The following SNTG1 variants were observed in gnomAD, a reference collection of about 807,000 sequenced individuals.
SNTG1 encodes syntrophin gamma 1, also known as gamma-1-syntrophin.
A neutral mutation model predicts 74.7 loss-of-function variants in SNTG1; 39 were observed. That is an observed-to-expected ratio of 0.52 (90% confidence interval 0.40 to 0.68). The LOEUF is 0.68. Among genes scored for constraint, SNTG1 ranks in the 30% least tolerant of loss-of-function variants. The probability of loss-of-function intolerance (pLI) is 0.00; values close to 1 mark genes in which losing one functional copy is unlikely to be tolerated. For synonymous variants in SNTG1, 254 were observed against 217.1 expected (o/e 1.17, Z -1.49); for missense variants, 685 against 609.5 (o/e 1.12, Z -1.30).
chr8:50,723,996 T>A (rs999106628), intron 17 of SNTG1, among the ~76,000 whole-genome samples: 1 of 152,134 alleles, frequency 6.6e-6, no homozygotes, highest in Non-Finnish European at 1.5e-5. Context: ...TGCTATTTGC[T>A]TTTTTCCAAG....
intron 1 of SNTG1, among the ~76,000 whole-genome samples, chr8:50,123,526 G>A (rs144310762): frequency 3.5e-5 from 5 of 142,480 alleles, no homozygotes; most frequent in African/African-American, 1.0e-4. Context: ...CATTAAGAAA[G>A]CAAGAGTATG....
chr8:50,597,336 T>C (rs1472472544), intron 13 of SNTG1, among the ~76,000 whole-genome samples: 1 of 146,192 alleles, frequency 6.8e-6, no homozygotes. Flanking sequence ...TACACATATA[T>C]ATACATATAT....
At position 50,350,633 on chromosome 8, in the gene SNTG1, A is replaced by G. The variant is rs571011901; in HGVS notation, c.-27-43579A>G. ...ACTCTGTATCTAGCTCAAGGTTTGT[A>G]AACACACCAATCAGCACCCTGTGTC... On this transcript the variant is annotated intron_variant, in intron 2 of 18. Transcript: ENST00000642720. 1.5e-3 allele frequency among the ~76,000 whole-genome samples: 227 copies of G among 152,054 alleles called. 1 individual carries two copies. The highest frequency in any genetic ancestry group is 5.3e-3 in the African/African-American group (220 of 41,418).
At chr8:50,782,360 G>A (rs1470052045) in intron 18 of SNTG1, among the ~76,000 whole-genome samples, 20 of 152,120 alleles carry the variant, frequency 1.3e-4, no homozygotes, top group Admixed American at 1.3e-3. Flanking sequence ...CATAGATTTG[G>A]TCTTTTCACA....
rs533434531 is a variant in SNTG1 at position 50,283,326 on chromosome 8, T to A, written c.-28+110691T>A. ...GTTATCAGAAACATGTAATTGTTAGTCTTTTCCAAGAATTTCCTTAAAGAC... is the reference window on the plus strand; with the variant it reads ...GTTATCAGAAACATGTAATTGTTAGACTTTTCCAAGAATTTCCTTAAAGAC... On this transcript the variant is annotated intron_variant, in intron 2 of 18. Coordinates refer to ENST00000642720, the MANE Select transcript of SNTG1 (RefSeq NM_018967.5). 4.2e-4 allele frequency among the ~76,000 whole-genome samples: 64 copies of A among 152,328 alleles called. 1 individual carries two copies. The highest frequency in any genetic ancestry group is 9.2e-4 in the Admixed American group (14 of 15,286).
At chr8:50,744,399 C>A (rs1203517914) in intron 17 of SNTG1, among the ~76,000 whole-genome samples, 1 of 151,786 alleles carries the variant, frequency 6.6e-6, no homozygotes, top group Non-Finnish European at 1.5e-5. Flanking sequence ...GTCTTGTATA[C>A]TAAAATCTAC....
chr8:50,718,549 A>G (rs1383870135), intron 17 of SNTG1, among the ~76,000 whole-genome samples: 1 of 152,168 alleles, frequency 6.6e-6, no homozygotes, highest in Non-Finnish European at 1.5e-5. Context: ...TTCTCTAAGA[A>G]TGAGGAGGTT....
chr8:49,971,590 T>C (rs556983228), intron 1 of SNTG1, among the ~76,000 whole-genome samples: 2 of 152,290 alleles, frequency 1.3e-5, no homozygotes, highest in African/African-American at 2.4e-5. Context: ...TGTTTGCGGA[T>C]GAAATGATTG....
At chr8:50,580,589 G>C (rs2094604178) in intron 12 of SNTG1, among the ~76,000 whole-genome samples, 1 of 152,244 alleles carries the variant, frequency 6.6e-6, no homozygotes, top group South Asian at 2.1e-4. Context: ...TTACCCTCAT[G>C]CTGTTCTCAT....
chr8:50,490,379 G>A (rs11994050), intron 8 of SNTG1, among the ~76,000 whole-genome samples: 11,910 of 152,124 alleles, frequency 0.078, 1,022 homozygotes, highest in African/African-American at 0.22. Flanking sequence ...CCATTTTCAC[G>A]ATATTGATTC....
chr8:50,612,733 T>C (rs1347500810), intron 13 of SNTG1, among the ~76,000 whole-genome samples: 1 of 152,166 alleles, frequency 6.6e-6, no homozygotes, highest in African/African-American at 2.4e-5. Context: ...TCTAACTGAT[T>C]AAATAGAAGT....
chr8:50,786,313 AGTGCAAATATT>A (rs1457146683), intron 18 of SNTG1, among the ~76,000 whole-genome samples: 5 of 152,020 alleles, frequency 3.3e-5, no homozygotes, highest in African/African-American at 1.2e-4. Flanking sequence ...TAACAAAAGA[AGTGCAAATATT>A]GTGTACTGAA....
intron 18 of SNTG1, among the ~76,000 whole-genome samples, chr8:50,774,788 A>C (rs1034193017): frequency 3.3e-5 from 5 of 151,700 alleles, no homozygotes; most frequent in Non-Finnish European, 7.4e-5. Flanking sequence ...AAAGATGTAA[A>C]GTGTATGACA....
At chr8:50,599,955 T>G (rs1351904716) in intron 13 of SNTG1, among the ~76,000 whole-genome samples, 1 of 152,150 alleles carries the variant, frequency 6.6e-6, no homozygotes. Flanking sequence ...CTGTAATACA[T>G]GGATTTTATC....
chr8:50,320,941 A>G (rs766603405), intron 2 of SNTG1, among the ~76,000 whole-genome samples: 1 of 152,126 alleles, frequency 6.6e-6, no homozygotes, highest in Non-Finnish European at 1.5e-5. Flanking sequence ...TATGTGATCT[A>G]TCTTTAAGAA....
intron 8 of SNTG1, among the ~76,000 whole-genome samples, chr8:50,468,425 C>A (rs554761699): frequency 2.3e-4 from 35 of 152,130 alleles, no homozygotes; most frequent in African/African-American, 8.2e-4. Context: ...TCTCCTTGCT[C>A]TAAGTCCTCT....
Position 50,449,678 on chromosome 8 carries a change from A to G in SNTG1, c.230A>G (p.Glu77Gly). Reference sequence around the variant, plus strand: ...ATTTTCTCTTTTCAGGGAGGAGCAGAACATAACATTCCAGTTGTCGTTTCA... The same window carrying G: ...ATTTTCTCTTTTCAGGGAGGAGCAGGACATAACATTCCAGTTGTCGTTTCA... ...GFGLSIKGGAEHNIPVVVSKI... is the reference protein window; with the variant it reads ...GFGLSIKGGAGHNIPVVVSKI... The change falls in exon 6 of 19, where the codon GAA becomes GGA. Residue 77 changes from glutamate to glycine, a missense_variant. Glu to Gly is a moderately conservative substitution (Grantham distance 98, BLOSUM62 -2). Coordinates refer to ENST00000642720, the MANE Select transcript of SNTG1 (RefSeq NM_018967.5). The G allele has an allele frequency of 6.3e-7, 1 of 1,598,754 alleles. No homozygotes were observed. The highest frequency in any genetic ancestry group is 2.2e-5 in the East Asian group (1 of 44,448).
intron 13 of SNTG1, chr8:50,643,852 C>G (rs937469025): frequency 6.6e-6 from 1 of 152,368 alleles, no homozygotes; most frequent in African/African-American, 2.4e-5. Context: ...CCCTGGTTTC[C>G]GAGAGGGTGA....
At chr8:50,321,892 CTA>C (rs1343901960) in intron 2 of SNTG1, among the ~76,000 whole-genome samples, 1 of 151,990 alleles carries the variant, frequency 6.6e-6, no homozygotes, top group Non-Finnish European at 1.5e-5. Context: ...TTTTTACTGT[CTA>C]TGTCTTAAAA....
Sources: gnomAD v4.1 joint callset for allele counts (sites outside exome capture counted in the v4.1 genomes callset) on GRCh38, gnomAD v4.1.1 for gene constraint, MANE v1.5 for transcripts, NCBI Gene and HGNC (gene_info 2026-07-23, HGNC 2026-07-21) for gene names.